Variants in CPSF4 observed in about 807,000 individuals in gnomAD.
CPSF4 encodes the protein cleavage and polyadenylation specific factor 4.
A neutral mutation model predicts 37.7 loss-of-function variants in CPSF4; 11 were observed. The observed-to-expected ratio is 0.29, with a 90% CI of 0.18 to 0.48. The LOEUF (loss-of-function observed/expected upper bound fraction) is 0.48. Ranked by LOEUF, CPSF4 falls within the 20% of genes least tolerant of loss-of-function variation. The probability of loss-of-function intolerance (pLI) is 0.99; values close to 1 mark genes in which losing one functional copy is unlikely to be tolerated. For missense variants in CPSF4, 144 were observed against 359.5 expected (o/e 0.40, Z 4.85); for synonymous variants, 132 against 135.9 (o/e 0.97, Z 0.20).
chr7:99,456,174 GTCGCCTTCTGGCGGCCTTGT>G (rs1393191602), intron 7 of CPSF4, among the ~76,000 whole-genome samples: 1 of 152,248 alleles, frequency 6.6e-6, no homozygotes, highest in Non-Finnish European at 1.5e-5. Context: ...TCGCTAGCAG[GTCGCCTTCTGGCGGCCTTGT>G]TCTCCCTTGC....
Position 99,457,043 on chromosome 7 carries a change from G to C in CPSF4, c.*543G>C, listed in dbSNP as rs1045733739. 4.3e-6 allele frequency: 1 copy of C among 234,536 alleles called. No individual in the cohort carries two copies. The highest frequency in any genetic ancestry group is 2.2e-5 in the African/African-American group (1 of 44,840). 14.5% of individuals were successfully genotyped at this position (234,536 alleles called of 1,614,324 possible). On this transcript the variant is annotated 3_prime_UTR_variant, in exon 8 of 8. Transcript: ENST00000292476. ...GCTGGCCCTGGTCCCAGGTGGCAGC[G>C]GTTGAGGAGGGGTACAGGGCTCTCA...
intron 5 of CPSF4, 75 bp from the exon 6 acceptor site, chr7:99,452,293 T>C (rs1346539537): frequency 3.1e-5 from 39 of 1,246,264 alleles, no homozygotes; most frequent in Non-Finnish European, 4.2e-5. Flanking sequence ...TTTAAGAGCA[T>C]GGCCTGGCTT....
intron 7 of CPSF4, among the ~76,000 whole-genome samples, chr7:99,455,325 C>A (rs1798234188): frequency 6.6e-6 from 1 of 152,172 alleles, no homozygotes; most frequent in Non-Finnish European, 1.5e-5. Context: ...TGTGTGGTCC[C>A]TCCCCCAGCC....
intron 7 of CPSF4, 57 bp downstream of exon 7, chr7:99,454,193 C>G: frequency 7.1e-7 from 1 of 1,414,076 alleles, no homozygotes; most frequent in Non-Finnish European, 9.7e-7. Context: ...AGTGGCCATT[C>G]CCTCATGCCC....
At position 99,456,702 on chromosome 7, in the gene CPSF4, G is replaced by T. The variant is rs910468480; in HGVS notation, c.*202G>T. The T allele has an allele frequency of 3.1e-6, 2 of 648,010 alleles. No individual in the cohort carries two copies. The highest frequency in any genetic ancestry group is 3.6e-5 in the African/African-American group (2 of 55,978). The allele number at this position is 648,010 out of a possible 1,614,324, so 40.1% of individuals were successfully genotyped here. A position where few individuals can be genotyped will look rare whatever the true frequency, so the allele number is the denominator to read the frequency against. ...TGAAAAAGGGACATGTGTCCTGTGGGTCCCTGCAGTCGACATCATGTTTGG... is the reference window on the plus strand; with the variant it reads ...TGAAAAAGGGACATGTGTCCTGTGGTTCCCTGCAGTCGACATCATGTTTGG... On this transcript the variant is annotated 3_prime_UTR_variant, in exon 8 of 8. Transcript: ENST00000292476.
At position 99,440,674 on chromosome 7, in the gene CPSF4, A is replaced by ATATTTTT; in HGVS notation, c.103+1490_103+1491insATTTTTT. 1.5e-4 allele frequency among the ~76,000 whole-genome samples: 13 copies of ATATTTTT among 88,088 alleles called. 1 individual carries two copies. Among genetic ancestry groups the ATATTTTT allele is most frequent in the African/African-American group, 1.2e-3 (12 of 10,312 alleles). 57.8% of individuals were successfully genotyped at this position (88,088 alleles called of 152,430 possible). A position where few individuals can be genotyped will look rare whatever the true frequency, so the allele number is the denominator to read the frequency against. On this transcript the variant is annotated intron_variant, in intron 1 of 7. Coordinates refer to ENST00000292476, the MANE Select transcript of CPSF4 (RefSeq NM_006693.4). ...ACCTGGCATATATATATATATATAT[A>ATATTTTT]TTTTTTTTTTTTTTTTTTTCCTGCC...
chr7:99,454,168 T>A, intron 7 of CPSF4, 32 bp downstream of exon 7: 1 of 1,587,794 alleles, frequency 6.3e-7, no homozygotes. Context: ...CAGGGTGGGG[T>A]CTTCCCTTAC....
intron 2 of CPSF4, among the ~76,000 whole-genome samples, chr7:99,445,106 C>T (rs1251836321): frequency 1.3e-5 from 2 of 152,162 alleles, no homozygotes; most frequent in African/African-American, 2.4e-5. Context: ...GGAGAGAAGC[C>T]CCCAGCATTG....
chr7:99,440,674 A>ATATTTTTTTTTTT, intron 1 of CPSF4, among the ~76,000 whole-genome samples: 2 of 88,084 alleles, frequency 2.3e-5, no homozygotes, highest in African/African-American at 1.9e-4. Context: ...ATATATATAT[A>ATATTTTTTTTTTT]TTTTTTTTTT....
At chr7:99,452,517 G>T in intron 6 of CPSF4, 77 bp downstream of exon 6, 1 of 1,371,858 alleles carries the variant, frequency 7.3e-7, no homozygotes, top group South Asian at 1.2e-5. Context: ...CCAGGGGTGT[G>T]GTCTGCCTTA....
intron 2 of CPSF4, 61 bp downstream of exon 2, chr7:99,444,900 G>A (rs997090095): frequency 2.9e-5 from 42 of 1,469,866 alleles, no homozygotes; most frequent in Middle Eastern, 4.1e-4. Flanking sequence ...CCTTCTCCCC[G>A]GCAGACTTGG....
In CPSF4 at chr7:99,438,974, C is replaced by T; in HGVS notation, c.-109C>T. 1 of 1,306,024 alleles carries T rather than the reference C, an allele frequency of 7.7e-7. No individual in the cohort carries two copies. The highest frequency in any genetic ancestry group is 9.8e-7 in the Non-Finnish European group (1 of 1,015,724). 80.9% of individuals were successfully genotyped at this position (1,306,024 alleles called of 1,614,324 possible). The stretch of plus-strand genomic sequence containing the variant: ...CCTCGGGCGGCGGCGGCGGCGGCGG[C>T]GAGGCGAAGCGAAGGAGGAGTGTGT... On this transcript the variant is annotated 5_prime_UTR_variant, in exon 1 of 8. Transcript: ENST00000292476.
chr7:99,443,337 A>T (rs1797190407), intron 1 of CPSF4: 1 of 978,864 alleles, frequency 1.0e-6, no homozygotes, highest in African/African-American at 1.6e-5. Flanking sequence ...ATCTCCTAGT[A>T]CATCTTCATT....
chr7:99,450,131 G>T, intron 3 of CPSF4, 145 bp from the exon 4 acceptor site: 1 of 679,514 alleles, frequency 1.5e-6, no homozygotes, highest in Non-Finnish European at 2.7e-6. Flanking sequence ...CGCTGCACAG[G>T]AAGCTGGGGC....
intron 5 of CPSF4, among the ~76,000 whole-genome samples, chr7:99,451,656 T>A (rs1249651295): frequency 6.6e-6 from 1 of 152,146 alleles, no homozygotes; most frequent in Non-Finnish European, 1.5e-5. Flanking sequence ...GAAGACGGGT[T>A]TTAATTCTTG....
intron 7 of CPSF4, 23 bp from the exon 8 acceptor site, chr7:99,456,409 C>T (rs762105141): frequency 1.2e-6 from 2 of 1,611,316 alleles, no homozygotes; most frequent in East Asian, 2.2e-5. Flanking sequence ...CTCTCCTCTT[C>T]CCCCACTTCC....
chr7:99,442,892 G>A, intron 1 of CPSF4: 2 of 1,274,346 alleles, frequency 1.6e-6, no homozygotes, highest in Non-Finnish European at 2.3e-6. Flanking sequence ...ATCAGGCAAT[G>A]CCAAAGCGCT....
intron 1 of CPSF4, chr7:99,443,493 C>T: frequency 1.2e-6 from 1 of 817,014 alleles, no homozygotes; most frequent in Non-Finnish European, 2.1e-6. Flanking sequence ...ATCTCAGTTA[C>T]CATCTTGTTA....
In CPSF4 at chr7:99,450,260, C is replaced by G. The variant is rs1257623398; in HGVS notation, c.308-16C>G. On this transcript the variant is annotated splice_polypyrimidine_tract_variant and intron_variant, in intron 3 of 7. Transcript: ENST00000292476. ...CCCGGCCTTCCCAGTGGTCTCACGTCTGAGTTTCCCTGCAGGGGAGTGCAG... is the reference window on the plus strand; with the variant it reads ...CCCGGCCTTCCCAGTGGTCTCACGTGTGAGTTTCCCTGCAGGGGAGTGCAG... The G allele has an allele frequency of 6.2e-6, 10 of 1,605,938 alleles. No homozygotes were observed. In the East Asian group the frequency reaches 1.1e-4, roughly 18 times the overall value.
Sources: gnomAD v4.1 joint callset for allele counts (sites outside exome capture counted in the v4.1 genomes callset) on GRCh38, gnomAD v4.1.1 for gene constraint, MANE v1.5 for transcripts, NCBI Gene and HGNC (gene_info 2026-07-23, HGNC 2026-07-21) for gene names.